Variants in CLDN14 observed in about 807,000 individuals in gnomAD.
CLDN14 encodes the protein claudin 14.
CLDN14 carries 2 observed loss-of-function variants against 2.1 expected under a neutral mutation model. The observed-to-expected ratio is 0.96, with a 90% CI of 0.39 to 3.01. CLDN14 has a LOEUF of 3.01. Among genes scored for constraint, CLDN14 ranks in the 30% most tolerant of loss-of-function variants. The probability of loss-of-function intolerance (pLI) is 0.09; values close to 1 mark genes in which losing one functional copy is unlikely to be tolerated. For missense variants in CLDN14, 298 were observed against 328.0 expected, an observed-to-expected ratio of 0.91 and a Z score of 0.71; for synonymous variants, 136 against 154.4, an observed-to-expected ratio of 0.88 and a Z score of 0.88.
chr21:36,523,902 G>A (rs528978274), intron 1 of CLDN14, among the ~76,000 whole-genome samples: 18 of 152,122 alleles, frequency 1.2e-4, no homozygotes, highest in East Asian at 7.7e-4. Flanking sequence ...TGCCCACTCC[G>A]AGATGCTCCA....
At chr21:36,554,847 C>G (rs1251913444) in intron 1 of CLDN14, among the ~76,000 whole-genome samples, 1 of 152,232 alleles carries the variant, frequency 6.6e-6, no homozygotes, top group Non-Finnish European at 1.5e-5. Flanking sequence ...GCAGCACTGA[C>G]AGGCCTGGGA....
rs1045158831 is a variant in CLDN14, at chr21:36,499,210, G to T, written c.-82+11153C>A. On this transcript the variant is annotated intron_variant, in intron 2 of 2. Coordinates refer to the CLDN14 transcript ENST00000342108. This position sits in a 1 kb window ranked among gnomAD's most constrained non-coding sequence, Gnocchi z 4.7. ...CGCAACTGCGGGAAACTGACCTTCA[G>T]CACTTTGATGTGAATGGGGCCATTG... Among the ~76,000 whole-genome samples the T allele has an allele frequency of 1.3e-5, 2 of 152,218 alleles. No homozygotes were observed. Among genetic ancestry groups the T allele is most frequent in the African/African-American group, 4.8e-5 (2 of 41,462 alleles).
At chr21:36,470,832 TG>T (rs1489979770) in intron 1 of CLDN14, among the ~76,000 whole-genome samples, 1 of 152,016 alleles carries the variant, frequency 6.6e-6, no homozygotes, top group Admixed American at 6.6e-5. Context: ...AAAAATTAGC[TG>T]GGCATGGTGG....
Position 36,461,273 on chromosome 21 carries a change from G to T in CLDN14, c.423C>A (p.Asn141Lys), listed in dbSNP as rs758024791. The T allele has an allele frequency of 1.7e-5, 27 of 1,613,816 alleles. 1 individual carries two copies. The South Asian group carries it at 2.7e-4, about 16-fold the overall frequency. Residue 141 changes from asparagine (N) to lysine (K), a missense_variant, in exon 2 of 2, where the codon AAC becomes AAA. Coordinates refer to ENST00000399135, the MANE Select transcript of CLDN14 (RefSeq NM_001146079.2). ...GGTTGTAGAAGTTCTGCACCACGTC[G>T]TTGGTGGTCCAGGAGACGGCCACCA... Reference protein sequence around the residue: ...LCMVAVSWTTNDVVQNFYNPL... With the variant: ...LCMVAVSWTTKDVVQNFYNPL...
chr21:36,520,851 C>T (rs2087264071), intron 1 of CLDN14, among the ~76,000 whole-genome samples: 1 of 152,094 alleles, frequency 6.6e-6, no homozygotes, highest in Admixed American at 6.5e-5. Context: ...TCCTGCTTGA[C>T]TATGGCACCT....
In CLDN14 at chr21:36,544,569, G is replaced by T. The variant is rs13047871; in HGVS notation, c.-220+31842C>A. Among the ~76,000 whole-genome samples the T allele has an allele frequency of 0.51, 77,620 of 151,982 alleles. 21,132 individuals are homozygous for T. The highest frequency in any genetic ancestry group is 0.61 in the Non-Finnish European group (41,572 of 67,944). On this transcript the variant is annotated intron_variant, in intron 1 of 2. Transcript: ENST00000342108. The surrounding 1 kb of genome is among the most constrained non-coding windows in gnomAD (Gnocchi z 4.1). ...GAATTTTCCTGTGCACTAACCACAG[G>T]CATCCCCTCCTCCAGAGCACACTCA...
At chr21:36,502,152 A>C (rs553239483) in intron 2 of CLDN14, among the ~76,000 whole-genome samples, 6 of 152,316 alleles carry the variant, frequency 3.9e-5, no homozygotes, top group African/African-American at 1.2e-4. Flanking sequence ...ACCTATGTTA[A>C]CTCCAACATC....
At chr21:36,547,636 C>G (rs2087535014) in intron 1 of CLDN14, among the ~76,000 whole-genome samples, 1 of 152,140 alleles carries the variant, frequency 6.6e-6, no homozygotes, top group South Asian at 2.1e-4. Context: ...TGTGCCAAGC[C>G]TCTGACACTA....
At chr21:36,557,667 C>T (rs950656843) in intron 1 of CLDN14, among the ~76,000 whole-genome samples, 6 of 152,162 alleles carry the variant, frequency 3.9e-5, no homozygotes, top group African/African-American at 1.4e-4. Flanking sequence ...AAAGAGTTCT[C>T]TTATATATTT....
At chr21:36,473,103 T>G (rs1435229443) in intron 1 of CLDN14, among the ~76,000 whole-genome samples, 2 of 152,246 alleles carry the variant, frequency 1.3e-5, no homozygotes, top group Admixed American at 1.3e-4. Flanking sequence ...GTCTCCAAAC[T>G]GCTAGCCCAC....
intron 1 of CLDN14, among the ~76,000 whole-genome samples, chr21:36,476,498 G>A (rs558055167): frequency 1.3e-4 from 20 of 151,864 alleles, no homozygotes; most frequent in Middle Eastern, 3.4e-3. Flanking sequence ...TGTCACCCAG[G>A]CCGGAGCGCG....
At chr21:36,514,693 A>G (rs2087213597) in intron 1 of CLDN14, among the ~76,000 whole-genome samples, 1 of 149,054 alleles carries the variant, frequency 6.7e-6, no homozygotes, top group Non-Finnish European at 1.5e-5. Context: ...AGAGGAGGAC[A>G]TGGGAAGAGA....
In CLDN14 at chr21:36,535,285, G is replaced by C. The variant is rs2087415291; in HGVS notation, c.-219-24785C>G. ...GGTGCCTATAGTCCCATCTACTTGGGAGGCTGAGGCACGAGAATCACTTGA... is the reference window on the plus strand; with the variant it reads ...GGTGCCTATAGTCCCATCTACTTGGCAGGCTGAGGCACGAGAATCACTTGA... On this transcript the variant is annotated intron_variant, in intron 1 of 2. Transcript: ENST00000342108. Among the ~76,000 whole-genome samples the C allele has an allele frequency of 3.3e-5, 5 of 152,334 alleles. No homozygotes were observed. In the South Asian group the frequency reaches 1.0e-3, roughly 32 times the overall value.
intron 1 of CLDN14, among the ~76,000 whole-genome samples, chr21:36,563,064 C>A (rs2146524980): frequency 6.7e-6 from 1 of 148,566 alleles, no homozygotes; most frequent in East Asian, 2.0e-4. Context: ...TTCATGAAGA[C>A]CTCTGTGTTT....
At chr21:36,531,291 G>T (rs796362240) in intron 1 of CLDN14, among the ~76,000 whole-genome samples, 12,672 of 144,304 alleles carry the variant, frequency 0.088, 1,162 homozygotes, top group African/African-American at 0.23. Context: ...TGCTATAAAT[G>T]TTTTTTTTTT....
intron 2 of CLDN14, among the ~76,000 whole-genome samples, chr21:36,490,405 T>G (rs1221217362): frequency 6.9e-6 from 1 of 145,898 alleles, no homozygotes; most frequent in Non-Finnish European, 1.5e-5. Flanking sequence ...TTTTTTTTTT[T>G]TGTGACAGAG....
At chr21:36,516,771 G>A (rs998697884) in intron 1 of CLDN14, among the ~76,000 whole-genome samples, 4 of 152,322 alleles carry the variant, frequency 2.6e-5, no homozygotes, top group East Asian at 3.9e-4. Flanking sequence ...ATTGGTGAGC[G>A]ATAAGACATA....
intron 2 of CLDN14, among the ~76,000 whole-genome samples, chr21:36,494,587 G>A (rs910533255): frequency 6.6e-6 from 1 of 152,208 alleles, no homozygotes; most frequent in Non-Finnish European, 1.5e-5. Flanking sequence ...TGTACAAAGA[G>A]GCGATTCAGT....
intron 1 of CLDN14, among the ~76,000 whole-genome samples, chr21:36,562,552 A>T (rs1418499307): frequency 6.6e-6 from 1 of 152,184 alleles, no homozygotes; most frequent in Non-Finnish European, 1.5e-5. Context: ...AAGTCTCCAG[A>T]GTTGATCGCT....
Sources: allele counts gnomAD v4.1 joint callset (sites outside exome capture counted in the v4.1 genomes callset), GRCh38; gene constraint gnomAD v4.1.1; non-coding constraint Gnocchi (gnomAD v3.1); transcripts MANE v1.5; gene names NCBI Gene and HGNC (gene_info 2026-07-23, HGNC 2026-07-21).